Variants in NAV1 observed in about 807,000 individuals in gnomAD.
The protein encoded by NAV1 is neuron navigator 1.
Under a neutral mutation model 175.2 loss-of-function variants are expected in NAV1, and 18 were observed. That is an observed-to-expected ratio of 0.10 (90% CI 0.07 to 0.15). The LOEUF (loss-of-function observed/expected upper bound fraction) is 0.15, where lower values mean the gene tolerates loss of function less well. Among genes scored for constraint, NAV1 ranks in the 10% least tolerant of loss-of-function variants. The pLI, the probability that NAV1 is intolerant of heterozygous loss-of-function variation, is 1.00. For missense variants in NAV1, 1,731 were observed against 2,436.6 expected, an observed-to-expected ratio of 0.71 and a Z score of 6.10; for synonymous variants, 897 against 978.7, an observed-to-expected ratio of 0.92 and a Z score of 1.56.
chr1:201,622,110 G>A (rs138237920), upstream of NAV1, among the ~76,000 whole-genome samples: 369 of 152,190 alleles, frequency 2.4e-3, 1 homozygote, highest in Non-Finnish European at 4.5e-3. Flanking sequence ...TCTTTTAGAC[G>A]AGGGTGGCAG....
intron 1 of NAV1, among the ~76,000 whole-genome samples, chr1:201,552,859 G>C (rs929671170): frequency 6.6e-6 from 1 of 152,196 alleles, no homozygotes; most frequent in East Asian, 1.9e-4. Context: ...CCAAATGGAT[G>C]TTTACGTATC....
intron 3 of NAV1, among the ~76,000 whole-genome samples, chr1:201,721,196 A>C (rs12025572): frequency 0.23 from 35,468 of 152,118 alleles, 5,058 homozygotes; most frequent in Non-Finnish European, 0.32. Context: ...TTGGCATGGC[A>C]ATATCCATAA....
intron 3 of NAV1, among the ~76,000 whole-genome samples, chr1:201,733,065 T>TCAACAG (rs1672934827): frequency 7.5e-6 from 1 of 132,574 alleles, no homozygotes; most frequent in Non-Finnish European, 1.6e-5. Flanking sequence ...AGCGAGACTC[T>TCAACAG]GTCTCAAAAA....
intron 15 of NAV1, chr1:201,795,800 T>C (rs1677411220): frequency 6.7e-6 from 1 of 150,214 alleles, no homozygotes; most frequent in Non-Finnish European, 1.5e-5. Flanking sequence ...CAGGCTGGAG[T>C]GCAGTGGCGT....
At chr1:201,635,442 T>C (rs973457896) in intron 2 of NAV1, among the ~76,000 whole-genome samples, 1 of 152,162 alleles carries the variant, frequency 6.6e-6, no homozygotes, top group African/African-American at 2.4e-5. Flanking sequence ...ACTTCTACAC[T>C]TGTGGGCCCT....
intron 17 of NAV1, among the ~76,000 whole-genome samples, chr1:201,806,318 AG>A (rs1489297095): frequency 6.6e-6 from 1 of 152,138 alleles, no homozygotes; most frequent in African/African-American, 2.4e-5. Context: ...GCACAGAAAA[AG>A]TTGTGAGATA....
chr1:201,646,339 T>C (rs1668977831), upstream of NAV1, among the ~76,000 whole-genome samples: 1 of 152,238 alleles, frequency 6.6e-6, no homozygotes, highest in South Asian at 2.1e-4. Context: ...CTTGTAAACC[T>C]GTCCTCCACT....
chr1:201,561,527 T>C (rs73082546), intron 1 of NAV1, among the ~76,000 whole-genome samples: 11,369 of 152,266 alleles, frequency 0.075, 697 homozygotes, highest in African/African-American at 0.17. Context: ...GAAGATTAAA[T>C]CTGTATAGTA....
chr1:201,806,732 G>A (rs965397394), intron 17 of NAV1, among the ~76,000 whole-genome samples: 8 of 152,200 alleles, frequency 5.3e-5, no homozygotes, highest in African/African-American at 1.9e-4. Context: ...TGACTGCTCA[G>A]TGATAAGAAG....
intron 29 of NAV1, among the ~76,000 whole-genome samples, chr1:201,819,331 A>G (rs944789353): frequency 8.5e-5 from 13 of 152,212 alleles, no homozygotes; most frequent in African/African-American, 3.1e-4. Context: ...ACTCCCAAGT[A>G]ATTGTTGTAC....
intron 13 of NAV1, chr1:201,792,992 T>C (rs758978869): frequency 6.6e-6 from 1 of 152,270 alleles, no homozygotes; most frequent in Non-Finnish European, 1.5e-5. Flanking sequence ...TCAGATAGTC[T>C]CACGATGGCT....
At chr1:201,598,615 A>G (rs1558012587) in intron 2 of NAV1, among the ~76,000 whole-genome samples, 1 of 152,218 alleles carries the variant, frequency 6.6e-6, no homozygotes. Context: ...TTCGCCTGGA[A>G]TAGGAGCAGG....
chr1:201,554,925 C>T (rs967164413), intron 1 of NAV1, among the ~76,000 whole-genome samples: 9 of 152,258 alleles, frequency 5.9e-5, no homozygotes, highest in South Asian at 2.1e-4. Context: ...TTCTAGTGTC[C>T]GGTGCTTTCC....
chr1:201,744,009 C>G (rs149473853), intron 3 of NAV1, among the ~76,000 whole-genome samples: 1 of 152,006 alleles, frequency 6.6e-6, no homozygotes, highest in Non-Finnish European at 1.5e-5. Context: ...CTCAGCCTCC[C>G]GAGTAGCTGG....
intron 2 of NAV1, among the ~76,000 whole-genome samples, chr1:201,597,240 G>T (rs556476772): frequency 1.3e-5 from 2 of 152,208 alleles, no homozygotes; most frequent in Non-Finnish European, 2.9e-5. Flanking sequence ...GGACGAAGAG[G>T]AGAATCAGTG....
intron 1 of NAV1, among the ~76,000 whole-genome samples, chr1:201,703,469 C>T (rs974743012): frequency 6.6e-6 from 1 of 152,222 alleles, no homozygotes; most frequent in African/African-American, 2.4e-5. Flanking sequence ...GGAGGTGTTT[C>T]TCCTGAGGTG....
At chr1:201,742,023 C>G (rs1376237004) in intron 3 of NAV1, among the ~76,000 whole-genome samples, 1 of 152,186 alleles carries the variant, frequency 6.6e-6, no homozygotes, top group East Asian at 1.9e-4. Context: ...CCTGTGGTTT[C>G]CTTTCCATCC....
chr1:201,803,528 T>G (rs1398451311), intron 15 of NAV1, 65 bp from the exon 20 acceptor site: 2 of 1,547,500 alleles, frequency 1.3e-6, no homozygotes, highest in Non-Finnish European at 1.8e-6. Context: ...GCCACTAGAC[T>G]TGCCTGAAGT....
intron 2 of NAV1, among the ~76,000 whole-genome samples, chr1:201,629,881 G>A (rs1412743254): frequency 1.3e-5 from 2 of 152,150 alleles, no homozygotes; most frequent in Admixed American, 6.5e-5. Flanking sequence ...GAGCCATCTG[G>A]CTTGCTGCCT....
Sources: gnomAD v4.1 joint callset for allele counts (sites outside exome capture counted in the v4.1 genomes callset) on GRCh38, gnomAD v4.1.1 for gene constraint, MANE v1.5 for transcripts, NCBI Gene and HGNC (gene_info 2026-07-23, HGNC 2026-07-21) for gene names.